MYH10: variants seen among roughly 807,000 people sequenced by gnomAD.
MYH10 encodes myosin heavy chain 10.
MYH10 carries 55 observed loss-of-function variants against 257.8 expected under a neutral mutation model. The observed-to-expected ratio is 0.21, with a 90% CI of 0.17 to 0.27. MYH10 has a LOEUF of 0.27. MYH10 is among the 10% of genes least tolerant of loss of function. The probability of loss-of-function intolerance (pLI) is 1.00; values close to 1 mark genes in which losing one functional copy is unlikely to be tolerated. For missense variants in MYH10, 1,631 were observed against 2,500.6 expected (o/e 0.65, Z 7.42); for synonymous variants, 854 against 921.7 (o/e 0.93, Z 1.33).
intron 26 of MYH10, 97 bp downstream of exon 26, chr17:8,508,454 AATC>A (rs2081148082): frequency 6.6e-7 from 1 of 1,504,574 alleles, no homozygotes; most frequent in Admixed American, 1.8e-5. Context: ...TATTATTAGT[AATC>A]ATCATGTATA....
At chr17:8,512,797 T>A in intron 23 of MYH10, 140 bp from the exon 24 acceptor site, 1 of 698,122 alleles carries the variant, frequency 1.4e-6, no homozygotes, top group Non-Finnish European at 2.3e-6. Context: ...AACTTTCAAA[T>A]ACGTTTTTGT....
At chr17:8,511,432 A>C (rs1386796229) in intron 24 of MYH10, among the ~76,000 whole-genome samples, 1 of 152,202 alleles carries the variant, frequency 6.6e-6, no homozygotes, top group Non-Finnish European at 1.5e-5. Flanking sequence ...AGGCAAGGGA[A>C]TCACTTGAAC....
chr17:8,533,077 C>G (rs1952425016), intron 16 of MYH10, among the ~76,000 whole-genome samples: 1 of 152,112 alleles, frequency 6.6e-6, no homozygotes, highest in Non-Finnish European at 1.5e-5. Context: ...ACCCCATTTC[C>G]TCTGTTCCTG....
intron 12 of MYH10, among the ~76,000 whole-genome samples, chr17:8,546,114 C>T (rs562712440): frequency 2.0e-5 from 3 of 151,628 alleles, no homozygotes; most frequent in South Asian, 4.2e-4. Context: ...GCTGGAGTGC[C>T]GTGGTGCAAT....
At chr17:8,522,285 G>T (rs2081680796) in intron 17 of MYH10, among the ~76,000 whole-genome samples, 1 of 152,188 alleles carries the variant, frequency 6.6e-6, no homozygotes, top group South Asian at 2.1e-4. Flanking sequence ...AGAGCTTTAT[G>T]TGCAAGATCT....
In MYH10 at chr17:8,535,721, C is replaced by A; in HGVS notation, c.1779+37G>T. 6.3e-7 allele frequency: 1 copy of A among 1,580,914 alleles called. No homozygotes were observed. Among genetic ancestry groups the A allele is most frequent in the East Asian group, 2.2e-5 (1 of 44,518 alleles). ...AAATGTAGCAAAATTTCAAACACAGCCATTTTAATCCAGTTATTCAACATA... is the reference window on the plus strand; with the variant it reads ...AAATGTAGCAAAATTTCAAACACAGACATTTTAATCCAGTTATTCAACATA... On this transcript the variant is annotated intron_variant, in intron 15 of 42. Transcript: ENST00000360416. This position sits in a 1 kb window ranked among gnomAD's most constrained non-coding sequence, Gnocchi z 4.3.
intron 7 of MYH10, among the ~76,000 whole-genome samples, chr17:8,557,249 A>T (rs1377841810): frequency 6.6e-6 from 1 of 152,168 alleles, no homozygotes; most frequent in Non-Finnish European, 1.5e-5. Context: ...TGAATAATCC[A>T]TTGTATTTTT....
In MYH10 at chr17:8,493,763, C is replaced by A. The variant is rs1213209426; in HGVS notation, c.4179G>T (p.Leu1393=). The change falls in exon 32 of 43, where the codon CTG becomes CTT. Residue 1393 remains leucine, a synonymous_variant. Transcript: ENST00000360416. ...QEEEEEARKN[L]EKQVLALQSQ... is the part of the protein sequence containing the mutation. The stretch of plus-strand genomic sequence containing the variant: ...ACTGCAGGGCCAGCACTTGCTTCTC[C>A]AGGTTCTTCCTGGCCTCCTCCTCCT... The A allele has an allele frequency of 6.2e-7, 1 of 1,613,864 alleles. No homozygotes were observed.
Position 8,490,186 on chromosome 17 carries a change from A to T in MYH10, c.4884+154T>A. On this transcript the variant is annotated intron_variant, in intron 35 of 42. Coordinates refer to ENST00000360416, the MANE Select transcript of MYH10 (RefSeq NM_001256012.3). The surrounding 1 kb of genome is among the most constrained non-coding windows in gnomAD (Gnocchi z 4.1). ...CTAATTACAATAAAATTTAAATAAT[A>T]AAATTCTCAAATGACCAAATAAATT... 1 of 644,824 alleles carries T rather than the reference A, an allele frequency of 1.6e-6. No homozygotes were observed. The highest frequency in any genetic ancestry group is 2.6e-6 in the Non-Finnish European group (1 of 378,548). 39.9% of individuals were successfully genotyped at this position (644,824 alleles called of 1,614,324 possible).
At chr17:8,488,113 C>A (rs570825648) in intron 35 of MYH10, among the ~76,000 whole-genome samples, 1 of 152,122 alleles carries the variant, frequency 6.6e-6, no homozygotes, top group East Asian at 1.9e-4. Context: ...GGAGGAGGGA[C>A]AAAATGAAGG....
intron 7 of MYH10, among the ~76,000 whole-genome samples, chr17:8,563,634 A>G (rs982535087): frequency 3.3e-5 from 5 of 152,192 alleles, no homozygotes; most frequent in Non-Finnish European, 7.3e-5. Flanking sequence ...TGCCTCAGTA[A>G]ATCTTTCAGG....
intron 7 of MYH10, among the ~76,000 whole-genome samples, chr17:8,556,577 G>T (rs1479685743): frequency 6.6e-6 from 1 of 152,216 alleles, no homozygotes; most frequent in Admixed American, 6.5e-5. Flanking sequence ...GAAAACTCTA[G>T]GGACAGAAAC....
intron 37 of MYH10, among the ~76,000 whole-genome samples, chr17:8,482,580 G>C (rs767870901): frequency 3.9e-5 from 6 of 152,174 alleles, no homozygotes; most frequent in Non-Finnish European, 7.4e-5. Context: ...TGGGGCTCTA[G>C]GCAGACTGAG....
At chr17:8,483,001 G>A (rs902146531) in intron 37 of MYH10, among the ~76,000 whole-genome samples, 2 of 152,170 alleles carry the variant, frequency 1.3e-5, no homozygotes, top group African/African-American at 4.8e-5. Flanking sequence ...CGTGTTCTAG[G>A]TCCCAGAGCT....
intron 7 of MYH10, among the ~76,000 whole-genome samples, chr17:8,556,189 C>G (rs906917108): frequency 2.0e-5 from 3 of 152,176 alleles, no homozygotes; most frequent in African/African-American, 7.2e-5. Context: ...GAAGGCAAAA[C>G]GGTACAGCCA....
chr17:8,576,036 C>G (rs1275301515), intron 6 of MYH10, among the ~76,000 whole-genome samples: 1 of 152,178 alleles, frequency 6.6e-6, no homozygotes, highest in Admixed American at 6.5e-5. Context: ...GGCTGGAGCA[C>G]AGTTGTGTGA....
At chr17:8,555,350 A>G (rs1169731399) in intron 7 of MYH10, among the ~76,000 whole-genome samples, 1 of 152,278 alleles carries the variant, frequency 6.6e-6, no homozygotes, top group African/African-American at 2.4e-5. Flanking sequence ...AATTCTGAGA[A>G]AGAAGACCAG....
At chr17:8,610,317 G>A in intron 2 of MYH10, among the ~76,000 whole-genome samples, 1 of 144,390 alleles carries the variant, frequency 6.9e-6, no homozygotes, top group South Asian at 2.2e-4. Context: ...GGCCGGGCAT[G>A]GTAGCTCATG....
At position 8,527,059 on chromosome 17, in the gene MYH10, G is replaced by A. The variant is rs768954788; in HGVS notation, c.1957+3564C>T. On this transcript the variant is annotated intron_variant, in intron 17 of 42. Transcript: ENST00000360416. ...AAGACAATTCCACCCTCATATAGAT[G>A]AAAATGTCACTGTTATAAACAATTT... Among the ~76,000 whole-genome samples, 75 of 152,100 alleles carry A rather than the reference G, an allele frequency of 4.9e-4. 1 individual carries two copies. Among genetic ancestry groups the A allele is most frequent in the Non-Finnish European group, 1.6e-4 (11 of 68,018 alleles).
Sources: gnomAD v4.1 joint callset for allele counts (sites outside exome capture counted in the v4.1 genomes callset) on GRCh38, gnomAD v4.1.1 for gene constraint, Gnocchi (gnomAD v3.1) non-coding constraint, MANE v1.5 for transcripts, NCBI Gene and HGNC (gene_info 2026-07-23, HGNC 2026-07-21) for gene names.